The following PATJ variants were observed in gnomAD, a reference collection of about 807,000 sequenced individuals.
PATJ encodes the protein inaD-like protein.
In PATJ, 190 loss-of-function variants were observed where a neutral mutation model predicts 224.9. That is an observed-to-expected ratio of 0.84 (90% confidence interval 0.75 to 0.95). The LOEUF (loss-of-function observed/expected upper bound fraction) is 0.95. Among genes scored for constraint, PATJ ranks in the 40% least tolerant of loss-of-function variants. PATJ has a pLI of 0.00. For synonymous variants in PATJ, 769 were observed against 820.3 expected (o/e 0.94, Z 1.07); for missense variants, 2,121 against 2,270.3 (o/e 0.93, Z 1.34).
At chr1:61,767,353 G>C (rs1374930167) in intron 4 of PATJ, among the ~76,000 whole-genome samples, 1 of 151,840 alleles carries the variant, frequency 6.6e-6, no homozygotes, top group Non-Finnish European at 1.5e-5. Context: ...GGGCAATGTA[G>C]GGAGACCCCC....
chr1:62,067,605 GAGGTGGT>G (rs1656704681), intron 31 of PATJ, among the ~76,000 whole-genome samples: 1 of 152,174 alleles, frequency 6.6e-6, no homozygotes, highest in South Asian at 2.1e-4. Context: ...CAAGGACAGT[GAGGTGGT>G]CAAGAAGCTA....
At chr1:62,117,506 TA>T (rs202208470) in intron 37 of PATJ, 91,368 of 619,732 alleles carry the variant, frequency 0.15, 144 homozygotes, top group Middle Eastern at 0.18. Flanking sequence ...TGTGTTTATT[TA>T]AAAAAAAAAA....
chr1:61,863,547 C>A (rs1312350156), intron 19 of PATJ, among the ~76,000 whole-genome samples: 1 of 152,196 alleles, frequency 6.6e-6, no homozygotes. Flanking sequence ...CTGAGCAAAT[C>A]TATATGCCAG....
chr1:62,108,737 A>G (rs1417882734), intron 34 of PATJ, among the ~76,000 whole-genome samples: 2 of 152,144 alleles, frequency 1.3e-5, no homozygotes, highest in Admixed American at 6.5e-5. Flanking sequence ...ACTTTTTTTA[A>G]CTAAAAGGAA....
intron 15 of PATJ, among the ~76,000 whole-genome samples, chr1:61,825,321 T>A (rs977512612): frequency 1.3e-5 from 2 of 152,200 alleles, no homozygotes; most frequent in African/African-American, 2.4e-5. Flanking sequence ...TGTGTGTGCA[T>A]TTTCCAGTCA....
chr1:62,051,468 AGGC>A (rs1464198580), intron 31 of PATJ, among the ~76,000 whole-genome samples: 1 of 152,130 alleles, frequency 6.6e-6, no homozygotes, highest in Non-Finnish European at 1.5e-5. Context: ...CTGGGACTAC[AGGC>A]GCACACCACC....
intron 20 of PATJ, among the ~76,000 whole-genome samples, chr1:61,871,511 G>GTATATACA (rs1557793655): frequency 1.7e-5 from 2 of 119,120 alleles, no homozygotes; most frequent in Non-Finnish European, 3.5e-5. Flanking sequence ...ACATATATAC[G>GTATATACA]CATATATATA....
In PATJ at chr1:62,134,893, A is replaced by T. The variant is rs75316668; in HGVS notation, c.5271+5948A>T. Among the ~76,000 whole-genome samples the T allele has an allele frequency of 8.8e-3, 1,344 of 152,256 alleles. 19 individuals carry two copies. The highest frequency in any genetic ancestry group is 0.02 in the Middle Eastern group (6 of 294). On this transcript the variant is annotated intron_variant, in intron 41 of 43. Coordinates refer to ENST00000642238, the MANE Select transcript of PATJ (RefSeq NM_001350145.3). ...GGGGAACAAATCAGCACAGTTACCA[A>T]TGTAGTCCAGAAAAATTCCAGGAGG... is the stretch of plus-strand genomic sequence containing the variant.
chr1:61,744,247 A>G (rs1644905988), intron 1 of PATJ, among the ~76,000 whole-genome samples: 1 of 136,870 alleles, frequency 7.3e-6, no homozygotes, highest in South Asian at 2.3e-4. Flanking sequence ...TTGCACCACT[A>G]CACTCCAGCC....
chr1:62,003,694 T>C (rs1347393834), intron 28 of PATJ, among the ~76,000 whole-genome samples: 2 of 152,210 alleles, frequency 1.3e-5, no homozygotes, highest in Non-Finnish European at 2.9e-5. Flanking sequence ...TCTTTTTTCA[T>C]TATTGTGAAA....
At chr1:62,048,272 C>T (rs4915795) in intron 30 of PATJ, among the ~76,000 whole-genome samples, 51,511 of 151,880 alleles carry the variant, frequency 0.34, 9,610 homozygotes, top group Middle Eastern at 0.49. Flanking sequence ...AAAGGCCGGG[C>T]GTGGTGGCTC....
At chr1:62,063,791 TG>T (rs1461473679) in intron 31 of PATJ, among the ~76,000 whole-genome samples, 1 of 152,214 alleles carries the variant, frequency 6.6e-6, no homozygotes, top group Non-Finnish European at 1.5e-5. Context: ...ATTCCTGATT[TG>T]GCTCTCAGCT....
chr1:62,133,745 CTTTTTT>C (rs113938436), intron 41 of PATJ, among the ~76,000 whole-genome samples: 1 of 121,194 alleles, frequency 8.3e-6, no homozygotes. Context: ...CAAGAATTTG[CTTTTTT>C]TTTTTTTTTT....
chr1:61,762,339 T>A (rs1646015136), intron 1 of PATJ, among the ~76,000 whole-genome samples: 1 of 152,110 alleles, frequency 6.6e-6, no homozygotes, highest in Non-Finnish European at 1.5e-5. Flanking sequence ...GATTTATCCT[T>A]GTTGTGTGTA....
At position 62,066,379 on chromosome 1, in the gene PATJ, T is replaced by C. The variant is rs555702058; in HGVS notation, c.4126-13071T>C. Among the ~76,000 whole-genome samples, 203 of 150,612 alleles carry C rather than the reference T, an allele frequency of 1.3e-3. 3 individuals carry two copies. Among genetic ancestry groups the C allele is most frequent in the Admixed American group, 0.013 (199 of 15,248 alleles). ...ATTATTGAAGGACAAGGTAACGTGC[T>C]GTGGGAACTTTTTTTTTTTTTTGAG... On this transcript the variant is annotated intron_variant, in intron 31 of 43. Transcript: ENST00000642238.
At chr1:61,761,979 C>T (rs529859534) in intron 1 of PATJ, among the ~76,000 whole-genome samples, 22 of 152,254 alleles carry the variant, frequency 1.4e-4, no homozygotes, top group African/African-American at 4.8e-4. Flanking sequence ...TGAGTCAATG[C>T]GCCCGGCCAC....
At chr1:62,046,398 A>G (rs1490899948) in intron 30 of PATJ, among the ~76,000 whole-genome samples, 1 of 152,204 alleles carries the variant, frequency 6.6e-6, no homozygotes. Flanking sequence ...CTTTATTGCT[A>G]TCCTCCCTCA....
chr1:61,804,487 G>A (rs1164810268), intron 12 of PATJ, among the ~76,000 whole-genome samples: 2 of 152,132 alleles, frequency 1.3e-5, no homozygotes, highest in African/African-American at 4.8e-5. Context: ...GACTGAAAGA[G>A]CTGATACTGC....
intron 27 of PATJ, among the ~76,000 whole-genome samples, chr1:61,955,294 C>T (rs777611131): frequency 2.6e-5 from 4 of 152,070 alleles, no homozygotes; most frequent in Non-Finnish European, 4.4e-5. Flanking sequence ...AGGAGAAATA[C>T]AGTATCTAAT....
Sources: allele counts gnomAD v4.1 joint callset (sites outside exome capture counted in the v4.1 genomes callset), GRCh38; gene constraint gnomAD v4.1.1; transcripts MANE v1.5; gene names NCBI Gene and HGNC (gene_info 2026-07-23, HGNC 2026-07-21).